Variants in COL19A1 observed in about 807,000 individuals in gnomAD.
COL19A1 encodes collagen type XIX alpha 1 chain, also known as collagen alpha-1(XIX) chain.
COL19A1 carries 159 observed loss-of-function variants against 190.2 expected under a neutral mutation model. The observed-to-expected ratio is 0.84, with a 90% CI of 0.73 to 0.95. The LOEUF is 0.95. COL19A1 is among the 40% of genes least tolerant of loss of function. The pLI, the probability that COL19A1 is intolerant of heterozygous loss-of-function variation, is 0.00. For missense variants in COL19A1, 1,418 were observed against 1,431.9 expected, an observed-to-expected ratio of 0.99 and a Z score of 0.16; for synonymous variants, 509 against 458.9, an observed-to-expected ratio of 1.11 and a Z score of -1.39.
At chr6:70,079,481 A>C (rs1782102996) in intron 15 of COL19A1, among the ~76,000 whole-genome samples, 1 of 152,150 alleles carries the variant, frequency 6.6e-6, no homozygotes, top group Non-Finnish European at 1.5e-5. Context: ...AAAGAACTGA[A>C]AGTAGAACCT....
chr6:69,946,156 G>A (rs1773781832), intron 9 of COL19A1, among the ~76,000 whole-genome samples: 1 of 151,870 alleles, frequency 6.6e-6, no homozygotes, highest in South Asian at 2.1e-4. Context: ...CGGATAGGAT[G>A]TAGCTTTTAA....
intron 9 of COL19A1, among the ~76,000 whole-genome samples, chr6:69,944,388 C>G (rs1446372040): frequency 6.6e-6 from 1 of 151,994 alleles, no homozygotes; most frequent in Admixed American, 6.6e-5. Context: ...GAACACTATA[C>G]CTCAAGGAAA....
At chr6:69,973,125 T>C (rs1231611800) in intron 11 of COL19A1, among the ~76,000 whole-genome samples, 2 of 152,244 alleles carry the variant, frequency 1.3e-5, no homozygotes, top group African/African-American at 2.4e-5. Context: ...AGTTTCTCCT[T>C]AGTCAGTGCT....
intron 4 of COL19A1, among the ~76,000 whole-genome samples, chr6:69,915,108 C>T (rs1771203771): frequency 6.6e-6 from 1 of 152,290 alleles, no homozygotes; most frequent in Admixed American, 6.5e-5. Flanking sequence ...AACCATATTA[C>T]AAACTGTGGT....
At chr6:69,937,616 A>T (rs1773193025) in intron 8 of COL19A1, among the ~76,000 whole-genome samples, 1 of 152,160 alleles carries the variant, frequency 6.6e-6, no homozygotes, top group South Asian at 2.1e-4. Context: ...TAGCACTGTG[A>T]CTTAAAACAT....
At chr6:70,195,458 C>T (rs1767140891) in intron 48 of COL19A1, among the ~76,000 whole-genome samples, 1 of 152,124 alleles carries the variant, frequency 6.6e-6, no homozygotes, top group African/African-American at 2.4e-5. Flanking sequence ...GTCAGATTCT[C>T]CAGTGGAGAC....
intron 15 of COL19A1, among the ~76,000 whole-genome samples, chr6:70,072,196 G>T (rs771861227): frequency 1.3e-4 from 20 of 152,156 alleles, no homozygotes; most frequent in Non-Finnish European, 2.6e-4. Context: ...CATTTAAGAT[G>T]TAGGTTCCTT....
At chr6:70,173,085 C>T (rs1264688234) in intron 41 of COL19A1, among the ~76,000 whole-genome samples, 4 of 152,102 alleles carry the variant, frequency 2.6e-5, no homozygotes, top group African/African-American at 4.8e-5. Flanking sequence ...CAAAATAGGG[C>T]GGACATCATC....
At chr6:69,982,219 T>A (rs1008045737) in intron 11 of COL19A1, among the ~76,000 whole-genome samples, 3 of 151,910 alleles carry the variant, frequency 2.0e-5, no homozygotes, top group Non-Finnish European at 1.5e-5. Flanking sequence ...TGAGATGGAG[T>A]CTTGCTCTGT....
intron 2 of COL19A1, among the ~76,000 whole-genome samples, chr6:69,891,473 A>C (rs903885089): frequency 1.3e-5 from 2 of 152,080 alleles, no homozygotes; most frequent in South Asian, 2.1e-4. Flanking sequence ...GTACAGACTA[A>C]AGATGAATGG....
At chr6:70,028,727 C>T (rs1178398458) in intron 12 of COL19A1, among the ~76,000 whole-genome samples, 1 of 152,046 alleles carries the variant, frequency 6.6e-6, no homozygotes, top group East Asian at 1.9e-4. Flanking sequence ...ACTCAGCATG[C>T]CAAAGCACCA....
Position 69,927,913 on chromosome 6 carries a change from A to G in COL19A1, c.271A>G (p.Ile91Val). 6.2e-7 allele frequency: 1 copy of G among 1,606,044 alleles called. No homozygotes were observed. The highest frequency in any genetic ancestry group is 1.1e-5 in the South Asian group (1 of 90,034). Residue 91 changes from isoleucine (I) to valine (V), a missense_variant, in exon 5 of 51, where the codon ATA becomes GTA. Transcript: ENST00000620364. ...TTCTTTGTTTTCCTCCCACAGTAAG[A>G]TATTTCCCAAAGGCCTTCCTGAGGA... ...SALLIRDTIK[I>V]FPKGLPEEYS...
chr6:70,199,425 A>T (rs568748385), intron 48 of COL19A1, among the ~76,000 whole-genome samples, 183 bp from the exon 49 acceptor site: 1 of 152,364 alleles, frequency 6.6e-6, no homozygotes, highest in East Asian at 1.9e-4. Flanking sequence ...CTATACACAA[A>T]CAACTTTGCA....
At chr6:69,960,621 C>T (rs1233202282) in intron 10 of COL19A1, among the ~76,000 whole-genome samples, 2 of 147,078 alleles carry the variant, frequency 1.4e-5, no homozygotes, top group African/African-American at 5.1e-5. Flanking sequence ...TTTGTGCCCC[C>T]ACTTTTTTTT....
chr6:69,887,756 A>C (rs1039995122), intron 2 of COL19A1, among the ~76,000 whole-genome samples: 1 of 152,170 alleles, frequency 6.6e-6, no homozygotes. Context: ...ACAGGGTTTT[A>C]TTGGGTGAAA....
intron 5 of COL19A1, among the ~76,000 whole-genome samples, chr6:69,928,369 G>A (rs748447699): frequency 1.3e-5 from 2 of 151,576 alleles, no homozygotes; most frequent in Admixed American, 1.3e-4. Context: ...TCCTTCTGTC[G>A]TCTCTAATGT....
intron 16 of COL19A1, 85 bp downstream of exon 16, chr6:70,102,307 T>C (rs1424280543): frequency 5.1e-6 from 5 of 986,806 alleles, no homozygotes; most frequent in Non-Finnish European, 8.1e-6. Flanking sequence ...TACTCCCCTG[T>C]AGATAATGAT....
At chr6:69,921,277 CATATATCATATATCAT>C (rs753427230) in intron 4 of COL19A1, among the ~76,000 whole-genome samples, 77 of 124,220 alleles carry the variant, frequency 6.2e-4, no homozygotes, top group Admixed American at 9.3e-4. Flanking sequence ...TCATATATAT[CATATATCATATATCAT>C]ATATATCATA....
At chr6:69,947,845 C>G (rs1036397950) in intron 9 of COL19A1, among the ~76,000 whole-genome samples, 3 of 151,786 alleles carry the variant, frequency 2.0e-5, no homozygotes, top group Non-Finnish European at 2.9e-5. Context: ...TTCTTTACTC[C>G]TATAGGAATG....
Sources: allele counts gnomAD v4.1 joint callset (sites outside exome capture counted in the v4.1 genomes callset), GRCh38; gene constraint gnomAD v4.1.1; transcripts MANE v1.5; gene names NCBI Gene and HGNC (gene_info 2026-07-23, HGNC 2026-07-21).